The following DYNLT2 variants were observed in gnomAD, a reference collection of about 807,000 sequenced individuals.
The protein encoded by DYNLT2 is dynein light chain Tctex-type 2, also known as dynein light chain Tctex-type protein 2.
A neutral mutation model predicts 24.3 loss-of-function variants in DYNLT2; 24 were observed. That is an observed-to-expected ratio of 0.99 (90% CI 0.71 to 1.39). The LOEUF (loss-of-function observed/expected upper bound fraction) is 1.39, where lower values mean the gene tolerates loss of function less well. Among genes scored for constraint, DYNLT2 ranks in the 40% most tolerant of loss-of-function variants. The probability of loss-of-function intolerance (pLI) is 0.00; values close to 1 mark genes in which losing one functional copy is unlikely to be tolerated. For synonymous variants in DYNLT2, 85 were observed against 85.4 expected (o/e 1.00, Z 0.03); for missense variants, 246 against 234.5 (o/e 1.05, Z -0.32).
chr6:169,734,590 A>G, the DYNLT2 span, among the ~76,000 whole-genome samples: 1 of 152,196 alleles, frequency 6.6e-6, no homozygotes, highest in South Asian at 2.1e-4. Flanking sequence ...GATTACATTT[A>G]TTGATTTGCA....
downstream of DYNLT2, among the ~76,000 whole-genome samples, chr6:169,737,868 C>T (rs1789594523): frequency 6.6e-6 from 1 of 152,124 alleles, no homozygotes; most frequent in Non-Finnish European, 1.5e-5. Context: ...GGGGGAAACC[C>T]ACTTGTCTGG....
At chr6:169,750,416 C>T (rs751595675) in intron 1 of DYNLT2, 2 of 152,170 alleles carry the variant, frequency 1.3e-5, no homozygotes, top group African/African-American at 4.8e-5. Flanking sequence ...TTAGTTCGTT[C>T]TTTCCTCTGT....
chr6:169,730,723 C>T, the DYNLT2 span, among the ~76,000 whole-genome samples: 26,758 of 152,058 alleles, frequency 0.18, 2,884 homozygotes, highest in East Asian at 0.3. Context: ...ACAGTGAAAC[C>T]CCATCTCTAC....
the DYNLT2 span, among the ~76,000 whole-genome samples, chr6:169,726,111 G>C: frequency 6.6e-6 from 1 of 152,230 alleles, no homozygotes; most frequent in South Asian, 2.1e-4. Context: ...CTGTTATTTA[G>C]GTTGACAAGA....
At chr6:169,750,251 A>C (rs1789940649) in intron 1 of DYNLT2, 1 of 152,174 alleles carries the variant, frequency 6.6e-6, no homozygotes, top group Admixed American at 6.5e-5. Context: ...ATTTTTCTTT[A>C]CTGTTGGTGA....
At position 169,744,190 on chromosome 6, in the gene DYNLT2, C is replaced by G. The variant is rs1306152064; in HGVS notation, c.205G>C (p.Asp69His). 6.2e-7 allele frequency: 1 copy of G among 1,613,548 alleles called. No individual in the cohort carries two copies. The highest frequency in any genetic ancestry group is 2.2e-5 in the East Asian group (1 of 44,870). Residue 69 changes from aspartate to histidine, a missense_variant, in exon 2 of 4, where the codon GAT becomes CAT. Coordinates refer to ENST00000366774, the MANE Select transcript of DYNLT2 (RefSeq NM_174910.3). ...VEPPFDDSIADIGKEWKSALA... is the reference protein window; with the variant it reads ...VEPPFDDSIAHIGKEWKSALA... Reference sequence around the variant, plus strand: ...GCACTCTTCCATTCTTTACCTATATCAGCAATTGAGTCATCAAAAGGAGGC... The same window carrying G: ...GCACTCTTCCATTCTTTACCTATATGAGCAATTGAGTCATCAAAAGGAGGC...
chr6:169,739,865 C>A (rs1432251973), downstream of DYNLT2, among the ~76,000 whole-genome samples: 1 of 152,082 alleles, frequency 6.6e-6, no homozygotes, highest in Non-Finnish European at 1.5e-5. Context: ...AGCAAATTAT[C>A]ATTTTCTTAA....
chr6:169,726,796 C>A, the DYNLT2 span, among the ~76,000 whole-genome samples: 2 of 152,094 alleles, frequency 1.3e-5, no homozygotes, highest in African/African-American at 2.4e-5. Flanking sequence ...TATAAAAAAA[C>A]CATTTATTCA....
chr6:169,745,684 GT>G (rs1455900700), intron 1 of DYNLT2, among the ~76,000 whole-genome samples: 1 of 152,002 alleles, frequency 6.6e-6, no homozygotes, highest in Non-Finnish European at 1.5e-5. Flanking sequence ...CTAGTATTTC[GT>G]TTAGAATTTT....
At chr6:169,745,155 C>T (rs9396997) in intron 1 of DYNLT2, among the ~76,000 whole-genome samples, 14,199 of 151,728 alleles carry the variant, frequency 0.094, 1,779 homozygotes, top group East Asian at 0.6. Flanking sequence ...TGCAGTGGCG[C>T]GATCTTGGCT....
chr6:169,748,255 C>G (rs934751273), intron 1 of DYNLT2, among the ~76,000 whole-genome samples: 6 of 152,140 alleles, frequency 3.9e-5, no homozygotes, highest in African/African-American at 9.7e-5. Context: ...TCTTAATACT[C>G]TGCTCTCCAG....
intron 1 of DYNLT2, among the ~76,000 whole-genome samples, chr6:169,748,497 A>T (rs1312297331): frequency 6.6e-6 from 1 of 152,222 alleles, no homozygotes. Flanking sequence ...GTTTCTGATA[A>T]GAATTACTCC....
At position 169,748,733 on chromosome 6, in the gene DYNLT2, T is replaced by C. The variant is rs183468915; in HGVS notation, c.120+2606A>G. 8.5e-3 allele frequency among the ~76,000 whole-genome samples: 1,292 copies of C among 152,342 alleles called. 9 individuals are homozygous for C. The highest frequency in any genetic ancestry group is 0.015 in the Non-Finnish European group (992 of 68,040). On this transcript the variant is annotated intron_variant, in intron 1 of 3. Coordinates refer to ENST00000366774, the MANE Select transcript of DYNLT2 (RefSeq NM_174910.3). ...CAAGGGATGCAACTACATAGTATCATTAACAGCGGCTTTCAACTGCAATGA... is the reference window on the plus strand; with the variant it reads ...CAAGGGATGCAACTACATAGTATCACTAACAGCGGCTTTCAACTGCAATGA...
the DYNLT2 span, chr6:169,725,631 C>A: frequency 7.9e-6 from 2 of 251,602 alleles, no homozygotes; most frequent in Non-Finnish European, 1.4e-5. Flanking sequence ...TAGAGTTTAG[C>A]GGTTTTTTTT....
chr6:169,744,463 C>CAA (rs67581971), intron 1 of DYNLT2, among the ~76,000 whole-genome samples, 189 bp from the exon 2 acceptor site: 52 of 148,684 alleles, frequency 3.5e-4, no homozygotes, highest in South Asian at 1.1e-3. Context: ...ATCAATTTGG[C>CAA]AAAAAAAAAT....
chr6:169,727,087 A>T, the DYNLT2 span, among the ~76,000 whole-genome samples: 1 of 152,238 alleles, frequency 6.6e-6, no homozygotes, highest in Non-Finnish European at 1.5e-5. Flanking sequence ...TGGAGAAGTT[A>T]GTAAGGTGGC....
rs200900116 is a variant in DYNLT2, at chr6:169,751,392, C to A, written c.67G>T (p.Ala23Ser). 3.0e-5 allele frequency: 49 copies of A among 1,614,186 alleles called. No individual in the cohort carries two copies. The highest frequency in any genetic ancestry group is 3.3e-4 in the Middle Eastern group (2 of 6,062). The change falls in exon 1 of 4, where the codon GCT becomes TCT. Residue 23 changes from alanine (A) to serine (S), a missense_variant. Coordinates refer to ENST00000366774, the MANE Select transcript of DYNLT2 (RefSeq NM_174910.3). ...CTTTCTTTCCTAGGCGTCACCGGAGCCTGCTGAGGGGTCTGGTTCGGGGTC... is the reference window on the plus strand; with the variant it reads ...CTTTCTTTCCTAGGCGTCACCGGAGACTGCTGAGGGGTCTGGTTCGGGGTC... ...IQTPNQTPQQ[A>S]PVTPRKERRP...
At position 169,751,486 on chromosome 6, in the gene DYNLT2, G is replaced by T; in HGVS notation, c.-28C>A. ...CGCTCTGTTCTCCAAGACGCCCACC[G>T]CCTCCCCTTCACCGCCGGCGGTCAA... is the stretch of plus-strand genomic sequence containing the variant. On this transcript the variant is annotated 5_prime_UTR_variant, in exon 1 of 4. Coordinates refer to ENST00000366774, the MANE Select transcript of DYNLT2 (RefSeq NM_174910.3). The T allele has an allele frequency of 6.2e-7, 1 of 1,610,954 alleles. No homozygotes were observed. Among genetic ancestry groups the T allele is most frequent in the South Asian group, 1.1e-5 (1 of 90,846 alleles).
downstream of DYNLT2, among the ~76,000 whole-genome samples, chr6:169,738,189 A>G (rs775011944): frequency 1.3e-5 from 2 of 152,252 alleles, no homozygotes; most frequent in Admixed American, 6.5e-5. Flanking sequence ...GAACTATAGA[A>G]ATGGGTGCTG....
Sources: allele counts gnomAD v4.1 joint callset (sites outside exome capture counted in the v4.1 genomes callset), GRCh38; gene constraint gnomAD v4.1.1; transcripts MANE v1.5; gene names NCBI Gene and HGNC (gene_info 2026-07-23, HGNC 2026-07-21).